The following BTD variants were observed in gnomAD, a reference collection of about 807,000 sequenced individuals.
BTD encodes biotinidase.
In BTD, 13 loss-of-function variants were observed where a neutral mutation model predicts 17.7. That is an observed-to-expected ratio of 0.74 (90% confidence interval 0.48 to 1.17). BTD has a LOEUF of 1.17. BTD is among the 50% of genes most tolerant of loss of function. The pLI, the probability that BTD is intolerant of heterozygous loss-of-function variation, is 0.00. For missense variants in BTD, 674 were observed against 650.4 expected (o/e 1.04, Z -0.39); for synonymous variants, 240 against 245.2 (o/e 0.98, Z 0.20).
chr3:15,706,062 A>AT (rs892382098), intron 3 of BTD, among the ~76,000 whole-genome samples: 54 of 149,124 alleles, frequency 3.6e-4, no homozygotes, highest in African/African-American at 5.2e-4. Context: ...AACCCCTAGA[A>AT]TTTTTTTTTT....
chr3:15,637,404 G>A (rs970862875), intron 2 of BTD, among the ~76,000 whole-genome samples: 2 of 152,024 alleles, frequency 1.3e-5, no homozygotes, highest in Non-Finnish European at 2.9e-5. Context: ...CTTTTCACAT[G>A]AGCAGACACA....
intron 1 of BTD, chr3:15,606,723 A>G (rs2064466173): frequency 6.6e-6 from 1 of 152,244 alleles, no homozygotes; most frequent in Non-Finnish European, 1.5e-5. Context: ...TGCAGTGTTC[A>G]ATTGTTAACT....
intron 3 of BTD, chr3:15,668,481 T>TG (rs905004106): frequency 6.6e-6 from 1 of 152,412 alleles, no homozygotes; most frequent in Non-Finnish European, 1.5e-5. Context: ...AAAGAAAAGA[T>TG]GGGGGATTAG....
chr3:15,616,708 A>G (rs140056143), intron 1 of BTD, among the ~76,000 whole-genome samples: 1 of 152,266 alleles, frequency 6.6e-6, no homozygotes, highest in East Asian at 1.9e-4. Flanking sequence ...ATAGGTGCAT[A>G]GTGGTATCTA....
chr3:15,654,828 G>A (rs969983482), downstream of BTD, among the ~76,000 whole-genome samples: 3 of 152,000 alleles, frequency 2.0e-5, no homozygotes, highest in Admixed American at 6.6e-5. Flanking sequence ...TCTGCGTCCC[G>A]GGTTCAAGCA....
At chr3:15,719,854 G>T (rs2073507353) in intron 4 of BTD, among the ~76,000 whole-genome samples, 1 of 151,852 alleles carries the variant, frequency 6.6e-6, no homozygotes, top group Non-Finnish European at 1.5e-5. Context: ...ACTGTATCCG[G>T]CCAAAATTTT....
At chr3:15,676,864 C>T in intron 3 of BTD, 1 of 775,806 alleles carries the variant, frequency 1.3e-6, no homozygotes. Context: ...ATTAAAATTG[C>T]TTCTATGACT....
At chr3:15,704,399 C>T (rs1372354596) in intron 3 of BTD, among the ~76,000 whole-genome samples, 1 of 151,998 alleles carries the variant, frequency 6.6e-6, no homozygotes, top group Non-Finnish European at 1.5e-5. Flanking sequence ...TGGTCCTAAA[C>T]AAAAGAAAAC....
At chr3:15,667,122 A>G (rs1314854586) in intron 3 of BTD, 1 of 152,246 alleles carries the variant, frequency 6.6e-6, no homozygotes, top group Non-Finnish European at 1.5e-5. Flanking sequence ...TTAAGTCTAA[A>G]ACAACTTTGC....
chr3:15,695,482 TCCC>T (rs2069399923), intron 3 of BTD, among the ~76,000 whole-genome samples: 3 of 152,144 alleles, frequency 2.0e-5, no homozygotes, highest in African/African-American at 7.2e-5. Context: ...ATTGTCAACC[TCCC>T]TTTTCTTGTT....
chr3:15,714,561 AC>A (rs1367681475), downstream of BTD: 4 of 1,558,288 alleles, frequency 2.6e-6, no homozygotes, highest in Non-Finnish European at 3.4e-6. Context: ...CAAAAAAAAA[AC>A]AGAAATACTT....
Position 15,708,150 on chromosome 3 carries a change from G to C in BTD, c.400-1910G>C, listed in dbSNP as rs537796132. On this transcript the variant is annotated intron_variant, in intron 3 of 3. Coordinates refer to the BTD transcript ENST00000672141. ...GCATAGTTGACTCTTACTCCTCCCAGTTACAAATACTTTATTTACAGTGAG... is the reference window on the plus strand; with the variant it reads ...GCATAGTTGACTCTTACTCCTCCCACTTACAAATACTTTATTTACAGTGAG... 9.1e-5 allele frequency: 129 copies of C among 1,413,118 alleles called. 3 individuals are homozygous for C. In the South Asian group the frequency reaches 1.4e-3, roughly 15 times the overall value. 87.5% of individuals were successfully genotyped at this position (1,413,118 alleles called of 1,614,324 possible). A position where few individuals can be genotyped will look rare whatever the true frequency, so the allele number is the denominator to read the frequency against.
In BTD at chr3:15,653,398, C is replaced by G. The variant is rs181485458; in HGVS notation, c.*7910C>G. 2.0e-5 allele frequency among the ~76,000 whole-genome samples: 3 copies of G among 152,356 alleles called. No homozygotes were observed. The highest frequency in any genetic ancestry group is 2.0e-4 in the Admixed American group (3 of 15,302). ...CTAAGGCCTGGAAGGCAAGTCCTTG[C>G]CTGAGACTAAACAGAATCCCAGCAA... On this transcript the variant is annotated 3_prime_UTR_variant, in exon 4 of 4. Transcript: ENST00000643237.
chr3:15,721,989 C>T (rs902030569), exon 5 of BTD, among the ~76,000 whole-genome samples: 2 of 152,170 alleles, frequency 1.3e-5, no homozygotes, highest in African/African-American at 4.8e-5. Context: ...AAATGATCCA[C>T]CGGCCTCGGC....
intron 3 of BTD, among the ~76,000 whole-genome samples, chr3:15,674,776 G>A (rs1164459661): frequency 6.6e-6 from 1 of 152,176 alleles, no homozygotes; most frequent in South Asian, 2.1e-4. Context: ...GGAAAACCAA[G>A]GAAGAGTGGG....
downstream of BTD, among the ~76,000 whole-genome samples, chr3:15,716,395 G>A (rs1317812536): frequency 2.0e-5 from 3 of 150,956 alleles, no homozygotes; most frequent in Non-Finnish European, 4.4e-5. Flanking sequence ...GGGTTCAAGT[G>A]ATCTTCTAAC....
chr3:15,699,192 AG>A (rs1387833772), intron 3 of BTD, among the ~76,000 whole-genome samples: 2 of 152,240 alleles, frequency 1.3e-5, no homozygotes, highest in Non-Finnish European at 2.9e-5. Context: ...AGCCATATGT[AG>A]AAAGCTGAAA....
intron 3 of BTD, chr3:15,684,573 A>C (rs1281031869): frequency 6.6e-6 from 1 of 152,150 alleles, no homozygotes; most frequent in Non-Finnish European, 1.5e-5. Flanking sequence ...TTTTCCCCTA[A>C]TATGATTGTA....
chr3:15,692,362 C>T (rs1575176818), intron 3 of BTD, among the ~76,000 whole-genome samples: 1 of 152,028 alleles, frequency 6.6e-6, no homozygotes, highest in African/African-American at 2.4e-5. Flanking sequence ...GGGAGGGAGG[C>T]TCACTGGAGC....
Sources: gnomAD v4.1 joint callset for allele counts (sites outside exome capture counted in the v4.1 genomes callset) on GRCh38, gnomAD v4.1.1 for gene constraint, MANE v1.5 for transcripts, NCBI Gene and HGNC (gene_info 2026-07-23, HGNC 2026-07-21) for gene names.